Variants in GDPD5 observed in about 807,000 individuals in gnomAD.
The protein encoded by GDPD5 is glycerophosphodiester phosphodiesterase 2.
Under a neutral mutation model 75.1 loss-of-function variants are expected in GDPD5, and 48 were observed. The ratio of observed to expected loss-of-function variants is 0.64; its 90% CI spans 0.51 to 0.81. The LOEUF is 0.81. Ranked by LOEUF, GDPD5 falls within the 40% of genes least tolerant of loss-of-function variation. The pLI is 0.00. For synonymous variants in GDPD5, 336 were observed against 339.0 expected, an observed-to-expected ratio of 0.99 and a Z score of 0.10; for missense variants, 706 against 822.6, an observed-to-expected ratio of 0.86 and a Z score of 1.73.
chr11:75,522,467 G>C lies in GDPD5; in HGVS notation c.-145+2743C>G, dbSNP rs565057910. 1.2e-3 allele frequency among the ~76,000 whole-genome samples: 188 copies of C among 151,526 alleles called. 2 individuals are homozygous for C. Among genetic ancestry groups the C allele is most frequent in the Non-Finnish European group, 2.1e-3 (144 of 67,870 alleles). ...AAGGGCCTCCCCTCCACCCCTTTCT[G>C]CCCTGTACCCTCCCCCTTACTCCTC... On this transcript the variant is annotated intron_variant, in intron 1 of 16. Coordinates refer to ENST00000336898, the MANE Select transcript of GDPD5 (RefSeq NM_030792.8).
At chr11:75,502,591 G>A (rs185324860) in intron 1 of GDPD5, among the ~76,000 whole-genome samples, 24 of 152,318 alleles carry the variant, frequency 1.6e-4, no homozygotes, top group African/African-American at 5.8e-4. Flanking sequence ...CTTACAAAGT[G>A]ATGCTGACAC....
chr11:75,455,356 T>G (rs1409257793), intron 6 of GDPD5: 1 of 456,474 alleles, frequency 2.2e-6, no homozygotes, highest in Admixed American at 2.3e-5. Context: ...AGAGGAGGCC[T>G]GTGAGTAGAG....
chr11:75,467,342 G>A (rs1276248408), intron 3 of GDPD5, among the ~76,000 whole-genome samples: 1 of 152,208 alleles, frequency 6.6e-6, no homozygotes, highest in African/African-American at 2.4e-5. Context: ...GTGGCTCACT[G>A]GGCTGCGAGC....
At position 75,509,742 on chromosome 11, in the gene GDPD5, C is replaced by T. The variant is rs186327674; in HGVS notation, c.-145+15468G>A. On this transcript the variant is annotated intron_variant, in intron 1 of 16. Transcript: ENST00000336898. ...TTGCCCAGGCTGGAGTGCAGTGGCA[C>T]GATCTCAGCTCACTGCAATCTCCGC... Among the ~76,000 whole-genome samples, 22 of 152,218 alleles carry T rather than the reference C, an allele frequency of 1.4e-4. No individual in the cohort carries two copies. In the Middle Eastern group the frequency reaches 0.01, roughly 71 times the overall value.
rs182970365 is a variant in GDPD5 at position 75,468,281 on chromosome 11, G to A, written c.118-5392C>T. The stretch of plus-strand genomic sequence containing the variant: ...CTGAATGTTACAGAATTTCAGAATC[G>A]CAGAGCTCCCCTGCCTGTCCCCTTG... On this transcript the variant is annotated intron_variant, in intron 3 of 16. Transcript: ENST00000336898. Among the ~76,000 whole-genome samples the A allele has an allele frequency of 1.7e-3, 265 of 152,322 alleles. 1 individual carries two copies. The highest frequency in any genetic ancestry group is 4.4e-3 in the Admixed American group (67 of 15,304).
chr11:75,473,784 C>T (rs1170174876), intron 3 of GDPD5, among the ~76,000 whole-genome samples: 1 of 152,186 alleles, frequency 6.6e-6, no homozygotes, highest in Non-Finnish European at 1.5e-5. Flanking sequence ...GTTCCCCCTA[C>T]CCTGAACACT....
chr11:75,449,249 G>A, intron 8 of GDPD5, 127 bp from the exon 9 acceptor site: 1 of 1,158,522 alleles, frequency 8.6e-7, no homozygotes, highest in Non-Finnish European at 1.2e-6. Flanking sequence ...TTCTTGCTGG[G>A]AAGATGAACC....
At chr11:75,477,982 C>G in intron 2 of GDPD5, 187 bp from the exon 3 acceptor site, 1 of 355,446 alleles carries the variant, frequency 2.8e-6, no homozygotes, top group Non-Finnish European at 5.1e-6. Flanking sequence ...TGCCTCCCAC[C>G]CAGGCCCTCA....
At chr11:75,498,229 G>A (rs2135442632) in intron 1 of GDPD5, among the ~76,000 whole-genome samples, 1 of 152,338 alleles carries the variant, frequency 6.6e-6, no homozygotes, top group Admixed American at 6.5e-5. Context: ...CATCACCAGT[G>A]AAAGTGAGAG....
intron 1 of GDPD5, among the ~76,000 whole-genome samples, chr11:75,504,952 C>G (rs1950364480): frequency 6.6e-6 from 1 of 151,882 alleles, no homozygotes; most frequent in African/African-American, 2.4e-5. Context: ...TTGGTGAAAC[C>G]CAGTCTCTAT....
chr11:75,487,148 C>G (rs1415189752), intron 2 of GDPD5, among the ~76,000 whole-genome samples: 1 of 152,242 alleles, frequency 6.6e-6, no homozygotes, highest in Non-Finnish European at 1.5e-5. Flanking sequence ...GCCCCAGCCT[C>G]CTGCAGGTAG....
intron 9 of GDPD5, 52 bp downstream of exon 9, chr11:75,448,925 C>A: frequency 6.6e-7 from 1 of 1,513,224 alleles, no homozygotes; most frequent in Non-Finnish European, 8.8e-7. Flanking sequence ...GAAGGTCCCC[C>A]CCATCGCACC....
chr11:75,444,310 A>G, intron 10 of GDPD5, 103 bp downstream of exon 10: 1 of 820,088 alleles, frequency 1.2e-6, no homozygotes, highest in Non-Finnish European at 2.1e-6. Flanking sequence ...TCCTCCTCCC[A>G]TCTCAGAGGC....
At chr11:75,468,583 C>A (rs973496413) in intron 3 of GDPD5, among the ~76,000 whole-genome samples, 1 of 152,170 alleles carries the variant, frequency 6.6e-6, no homozygotes, top group Non-Finnish European at 1.5e-5. Flanking sequence ...AAAATGGGGA[C>A]AGTATCGGCA....
Position 75,477,659 on chromosome 11 carries a change from C to G in GDPD5, c.77G>C (p.Arg26Pro). ...LSCLTGIYGC[R>P]WKRYQRSHDD... ...ATGGGAGCGCTGGTAGCGCTTCCAA[C>G]GGCAGCCGTAGATGCCCGTGAGGCA... Residue 26 changes from arginine (R) to proline (P), a missense_variant, in exon 3 of 17, where the codon CGT becomes CCT. Coordinates refer to ENST00000336898, the MANE Select transcript of GDPD5 (RefSeq NM_030792.8). The G allele has an allele frequency of 6.3e-7, 1 of 1,599,116 alleles. No individual in the cohort carries two copies. The highest frequency in any genetic ancestry group is 8.5e-7 in the Non-Finnish European group (1 of 1,169,736).
intron 1 of GDPD5, among the ~76,000 whole-genome samples, chr11:75,507,587 G>A (rs1950428165): frequency 6.6e-6 from 1 of 152,232 alleles, no homozygotes; most frequent in Non-Finnish European, 1.5e-5. Flanking sequence ...AGGCAGGGCT[G>A]TCTCCTGTTC....
At chr11:75,500,104 C>G (rs957448061) in intron 1 of GDPD5, among the ~76,000 whole-genome samples, 1 of 152,188 alleles carries the variant, frequency 6.6e-6, no homozygotes, top group African/African-American at 2.4e-5. Flanking sequence ...AGCACCACCC[C>G]CTCCAGGCAC....
chr11:75,484,171 G>C (rs1319321187), intron 2 of GDPD5, among the ~76,000 whole-genome samples: 2 of 152,158 alleles, frequency 1.3e-5, no homozygotes, highest in East Asian at 3.9e-4. Flanking sequence ...CTGGGCAAGA[G>C]AGTGAGACCC....
intron 15 of GDPD5, among the ~76,000 whole-genome samples, chr11:75,439,512 C>A (rs892368854): frequency 6.6e-6 from 1 of 151,140 alleles, no homozygotes; most frequent in African/African-American, 2.4e-5. Flanking sequence ...TGGCCCTAGA[C>A]CCTCCCTGGG....
Sources: allele counts gnomAD v4.1 joint callset (sites outside exome capture counted in the v4.1 genomes callset), GRCh38; gene constraint gnomAD v4.1.1; transcripts MANE v1.5; gene names NCBI Gene and HGNC (gene_info 2026-07-23, HGNC 2026-07-21).